The following SLF2 variants were observed in gnomAD, a reference collection of about 807,000 sequenced individuals.
The protein encoded by SLF2 is SMC5-SMC6 complex localization factor protein 2.
In SLF2, 68 loss-of-function variants were observed where a neutral mutation model predicts 124.3. The ratio of observed to expected loss-of-function variants is 0.55; its 90% CI spans 0.45 to 0.67. SLF2 has a LOEUF of 0.67. SLF2 is among the 30% of genes least tolerant of loss of function. The pLI, the probability that SLF2 is intolerant of heterozygous loss-of-function variation, is 0.00. For synonymous variants in SLF2, 480 were observed against 478.8 expected (o/e 1.00, Z -0.03); for missense variants, 1,246 against 1,373.7 (o/e 0.91, Z 1.47).
chr10:100,918,489 A>T, intron 4 of SLF2, 48 bp downstream of exon 4: 1 of 1,216,552 alleles, frequency 8.2e-7, no homozygotes. Context: ...TTTCCATTTT[A>T]ATGGCACTGC....
chr10:100,950,883 A>G, intron 17 of SLF2, 130 bp downstream of exon 17: 4 of 701,126 alleles, frequency 5.7e-6, no homozygotes, highest in East Asian at 2.7e-5. Context: ...TGATTTTGCT[A>G]TAAGAATTCC....
rs1301205064 is a variant in SLF2, at chr10:100,916,935, G to A, written c.550G>A (p.Glu184Lys). The A allele has an allele frequency of 6.2e-7, 1 of 1,614,038 alleles. No homozygotes were observed. The highest frequency in any genetic ancestry group is 1.3e-5 in the African/African-American group (1 of 74,916). Residue 184 changes from glutamate to lysine, a missense_variant, in exon 3 of 20, where the codon GAG becomes AAG. Physicochemically the swap from Glu to Lys is moderately conservative, Grantham distance 56 (BLOSUM62 1). Around this residue, in one of 3 missense-constraint regions of SLF2, gnomAD observed 698 missense variants for 708.9 expected, o/e 0.98. Transcript: ENST00000238961. ...RKSLFIHENN[E>K]KNDRDRGKTN... ...GTCACTATTCATTCATGAAAATAATGAGAAGAATGATAGAGATCGAGGCAA... is the reference window on the plus strand; with the variant it reads ...GTCACTATTCATTCATGAAAATAATAAGAAGAATGATAGAGATCGAGGCAA...
At position 100,963,254 on chromosome 10, in the gene SLF2, G is replaced by C. The variant is rs886198531; in HGVS notation, c.*1342G>C. 2.0e-5 allele frequency: 3 copies of C among 152,552 alleles called. No homozygotes were observed. Among genetic ancestry groups the C allele is most frequent in the Admixed American group, 6.6e-5 (1 of 15,260 alleles). The allele number at this position is 152,552 out of a possible 1,614,324, so 9.4% of individuals were successfully genotyped here. A position where few individuals can be genotyped will look rare whatever the true frequency, so the allele number is the denominator to read the frequency against. ...AATAACTTTCTACCTCTAAATTGAG[G>C]CTTAGGAGTAAAAAGCATTTTGTCC... On this transcript the variant is annotated 3_prime_UTR_variant, in exon 20 of 20. Transcript: ENST00000238961.
At chr10:100,953,688 T>C (rs1043687771) in intron 17 of SLF2, among the ~76,000 whole-genome samples, 1 of 152,110 alleles carries the variant, frequency 6.6e-6, no homozygotes, top group African/African-American at 2.4e-5. Context: ...AGTCTTGCTC[T>C]GTCACCCAGG....
At chr10:100,917,383 TACATC>T in intron 3 of SLF2, 83 bp downstream of exon 3, 7 of 1,405,282 alleles carry the variant, frequency 5.0e-6, no homozygotes, top group Non-Finnish European at 6.6e-6. Context: ...TAAGAGTTGT[TACATC>T]ACATTGACGT....
chr10:100,931,360 C>G (rs899679578), intron 9 of SLF2, among the ~76,000 whole-genome samples: 1 of 152,118 alleles, frequency 6.6e-6, no homozygotes, highest in African/African-American at 2.4e-5. Context: ...TCTTCTAATG[C>G]TTACATACCT....
chr10:100,941,063 ATCC>A (rs1246188360), intron 11 of SLF2, among the ~76,000 whole-genome samples: 2 of 151,120 alleles, frequency 1.3e-5, no homozygotes, highest in African/African-American at 4.9e-5. Context: ...TGGTCTCAAA[ATCC>A]TGGGCTCAAG....
chr10:100,928,825 T>C (rs1186844781), intron 6 of SLF2, among the ~76,000 whole-genome samples: 1 of 152,192 alleles, frequency 6.6e-6, no homozygotes, highest in Non-Finnish European at 1.5e-5. Flanking sequence ...CTGTCACATA[T>C]TAAGTGCTCG....
rs199974864 is a variant in SLF2, at chr10:100,938,695, C to G, written c.2613C>G (p.Pro871=). The part of the protein sequence containing the change: ...NMGIDFRSLF[P]LENLQPDFNE... ...GGATTGATTTTAGATCTTTGTTTCC[C>G]CTGGAGAATCTTCAGCCAGACTTTA... The change falls in exon 11 of 20, where the codon CCC becomes CCG. Residue 871 remains proline, a synonymous_variant. Coordinates refer to ENST00000238961, the MANE Select transcript of SLF2 (RefSeq NM_018121.4). 20 of 1,612,722 alleles carry G rather than the reference C, an allele frequency of 1.2e-5. 1 individual carries two copies. The East Asian group carries it at 4.2e-4, about 34-fold the overall frequency.
chr10:100,929,419 T>C lies in SLF2; in HGVS notation c.2145T>C (p.Asp715=). The change falls in exon 7 of 20, where the codon GAT becomes GAC. Residue 715 remains aspartate, a synonymous_variant. Transcript: ENST00000238961. ...AAGAAGACAGTACAGATGATGAGGA[T>C]GGCCTCTTAGAAGAGCACAAGTATA... ...IGEEDSTDDE[D]GLLEEHKEFL... 1 of 1,611,352 alleles carries C rather than the reference T, an allele frequency of 6.2e-7. No homozygotes were observed. Among genetic ancestry groups the C allele is most frequent in the Non-Finnish European group, 8.5e-7 (1 of 1,178,544 alleles).
chr10:100,961,804 T>C, intron 19 of SLF2, 73 bp from the exon 20 acceptor site: 1 of 1,255,106 alleles, frequency 8.0e-7, no homozygotes, highest in South Asian at 1.5e-5. Flanking sequence ...TGATGATTAG[T>C]AGTTTTATAA....
At chr10:100,921,012 C>T (rs972357218) in intron 4 of SLF2, among the ~76,000 whole-genome samples, 1 of 152,156 alleles carries the variant, frequency 6.6e-6, no homozygotes, top group Non-Finnish European at 1.5e-5. Context: ...TGTTAATACA[C>T]TTAATCAATT....
chr10:100,957,028 A>G (rs1850343891), intron 18 of SLF2, among the ~76,000 whole-genome samples: 1 of 152,232 alleles, frequency 6.6e-6, no homozygotes, highest in Admixed American at 6.5e-5. Context: ...GTGAAAGGAA[A>G]AAAAATCTCA....
At position 100,916,100 on chromosome 10, in the gene SLF2, G is replaced by A. The variant is rs541356620; in HGVS notation, c.184+58G>A. 1.8e-5 allele frequency: 25 copies of A among 1,384,398 alleles called. No individual in the cohort carries two copies. The Admixed American group carries it at 4.0e-4, about 22-fold the overall frequency. The allele number at this position is 1,384,398 out of a possible 1,614,324, so 85.8% of individuals were successfully genotyped here. A position where few individuals can be genotyped will look rare whatever the true frequency, so the allele number is the denominator to read the frequency against. ...TATTTTGGGGGTGAGGAGAGAGACA[G>A]ATTCAACTTTAAAACCTACTCTAAA... On this transcript the variant is annotated intron_variant, in intron 2 of 19. Transcript: ENST00000238961.
chr10:100,945,646 G>C (rs1411464885), intron 13 of SLF2, 140 bp downstream of exon 13: 1 of 656,918 alleles, frequency 1.5e-6, no homozygotes, highest in African/African-American at 1.9e-5. Flanking sequence ...ATGTTTGCTG[G>C]AGCTGTATTA....
Position 100,916,931 on chromosome 10 carries a change from T to C in SLF2, c.546T>C (p.Asn182=), listed in dbSNP as rs1297058217. ...ERRKSLFIHE[N]NEKNDRDRGK... is the part of the protein sequence containing the mutation. Reference sequence around the variant, plus strand: ...GGAAGTCACTATTCATTCATGAAAATAATGAGAAGAATGATAGAGATCGAG... The same window carrying C: ...GGAAGTCACTATTCATTCATGAAAACAATGAGAAGAATGATAGAGATCGAG... The change falls in exon 3 of 20, where the codon AAT becomes AAC. Residue 182 remains asparagine, a synonymous_variant. Coordinates refer to ENST00000238961, the MANE Select transcript of SLF2 (RefSeq NM_018121.4). 1.2e-6 allele frequency: 2 copies of C among 1,613,970 alleles called. No individual in the cohort carries two copies. Among genetic ancestry groups the C allele is most frequent in the Middle Eastern group, 1.6e-4 (1 of 6,062 alleles).
intron 18 of SLF2, 96 bp from the exon 19 acceptor site, chr10:100,959,332 C>T: frequency 1.8e-6 from 2 of 1,088,074 alleles, no homozygotes; most frequent in South Asian, 2.1e-5. Context: ...TGAGTGTGGG[C>T]CTGTTGCAGC....
At chr10:100,926,183 A>G in intron 6 of SLF2, 164 bp downstream of exon 6, 2 of 1,551,194 alleles carry the variant, frequency 1.3e-6, no homozygotes, top group Non-Finnish European at 1.7e-6. Context: ...GCAGTGGCTC[A>G]TGCCTGTAAT....
At position 100,945,519 on chromosome 10, in the gene SLF2, A is replaced by T. The variant is rs1210094704; in HGVS notation, c.2934+13A>T. 2.6e-6 allele frequency: 4 copies of T among 1,528,038 alleles called. No individual in the cohort carries two copies. In the African/African-American group the frequency reaches 4.3e-5, roughly 16 times the overall value. 94.7% of individuals were successfully genotyped at this position (1,528,038 alleles called of 1,614,324 possible). On this transcript the variant is annotated intron_variant, in intron 13 of 19. Transcript: ENST00000238961. ...TTGGAACACAAAGGTAATGTTACTT[A>T]AAACTTCATTATTCATTTTTTATAT...
Sources: gnomAD v4.1 joint callset for allele counts (sites outside exome capture counted in the v4.1 genomes callset) on GRCh38, gnomAD v4.1.1 for gene constraint, gnomAD v4.1.1 regional missense constraint, MANE v1.5 for transcripts, NCBI Gene and HGNC (gene_info 2026-07-23, HGNC 2026-07-21) for gene names.